The following NUP93 variants were observed in gnomAD, a reference collection of about 807,000 sequenced individuals.
NUP93 encodes the protein nuclear pore complex protein Nup93.
Under a neutral mutation model 107.8 loss-of-function variants are expected in NUP93, and 55 were observed. The observed-to-expected ratio is 0.51, with a 90% CI of 0.41 to 0.64. The LOEUF (loss-of-function observed/expected upper bound fraction) is 0.64, where lower values mean the gene tolerates loss of function less well. Ranked by LOEUF, NUP93 falls within the 30% of genes least tolerant of loss-of-function variation. The pLI, the probability that NUP93 is intolerant of heterozygous loss-of-function variation, is 0.00. For missense variants in NUP93, 937 were observed against 1,044.7 expected, an observed-to-expected ratio of 0.90 and a Z score of 1.42; for synonymous variants, 390 against 397.5, an observed-to-expected ratio of 0.98 and a Z score of 0.22.
At chr16:56,733,841 C>A (rs1961571209) in intron 1 of NUP93, among the ~76,000 whole-genome samples, 2 of 152,176 alleles carry the variant, frequency 1.3e-5, no homozygotes, top group Non-Finnish European at 2.9e-5. Flanking sequence ...TAGCTTTATA[C>A]TTTTTTATAG....
intron 2 of NUP93, among the ~76,000 whole-genome samples, chr16:56,751,415 A>G (rs1206201839): frequency 6.6e-6 from 1 of 152,186 alleles, no homozygotes; most frequent in Non-Finnish European, 1.5e-5. Flanking sequence ...CACGCATTAT[A>G]TAATTTCTTT....
At chr16:56,807,882 C>T (rs1161523962) in intron 5 of NUP93, among the ~76,000 whole-genome samples, 2 of 151,218 alleles carry the variant, frequency 1.3e-5, no homozygotes, top group Non-Finnish European at 2.9e-5. Flanking sequence ...ATTAGCTGGG[C>T]CTGGTGGCGT....
chr16:56,735,357 G>A (rs1961594690), intron 1 of NUP93, among the ~76,000 whole-genome samples: 1 of 152,220 alleles, frequency 6.6e-6, no homozygotes, highest in Non-Finnish European at 1.5e-5. Flanking sequence ...GGAAGGTTGG[G>A]TAGGTGTTTC....
chr16:56,803,566 A>G (rs1489985913), intron 4 of NUP93, among the ~76,000 whole-genome samples: 1 of 152,106 alleles, frequency 6.6e-6, no homozygotes, highest in Admixed American at 6.5e-5. Flanking sequence ...TTTATATGCT[A>G]CAAAGAAAAA....
At chr16:56,800,506 C>A (rs1425808784) in intron 4 of NUP93, among the ~76,000 whole-genome samples, 1 of 152,168 alleles carries the variant, frequency 6.6e-6, no homozygotes, top group Non-Finnish European at 1.5e-5. Flanking sequence ...AGGTGACATA[C>A]CACAGTGCAA....
At chr16:56,839,300 T>C in intron 19 of NUP93, 1 of 390,438 alleles carries the variant, frequency 2.6e-6, no homozygotes, top group East Asian at 4.6e-5. Flanking sequence ...CAGAGAAGTT[T>C]CTCAAAGTAA....
chr16:56,812,912 C>T (rs1338282091), intron 5 of NUP93, among the ~76,000 whole-genome samples: 2 of 152,196 alleles, frequency 1.3e-5, no homozygotes, highest in African/African-American at 4.8e-5. Context: ...GCTTGCATGA[C>T]AGCATGCAGG....
In NUP93 at chr16:56,758,869, A is replaced by G. The variant is rs377279697; in HGVS notation, c.297+214A>G. On this transcript the variant is annotated intron_variant, in intron 3 of 21. Coordinates refer to ENST00000308159, the MANE Select transcript of NUP93 (RefSeq NM_014669.5). Reference sequence around the variant, plus strand: ...TCTGTGTGGCTGAATTTAAGAAAGCAATTCCAACCTGCACTTTTTAGATTA... The same window carrying G: ...TCTGTGTGGCTGAATTTAAGAAAGCGATTCCAACCTGCACTTTTTAGATTA... 4.6e-5 allele frequency among the ~76,000 whole-genome samples: 7 copies of G among 152,348 alleles called. No individual in the cohort carries two copies. In the South Asian group the frequency reaches 6.2e-4, roughly 14 times the overall value.
intron 12 of NUP93, 82 bp from the exon 13 acceptor site, chr16:56,833,133 G>C: frequency 8.0e-7 from 1 of 1,244,366 alleles, no homozygotes; most frequent in Non-Finnish European, 1.1e-6. Context: ...TGGGCTCACA[G>C]GGCTGCTGCC....
intron 5 of NUP93, among the ~76,000 whole-genome samples, chr16:56,810,835 C>G (rs1200076425): frequency 3.3e-5 from 5 of 152,092 alleles, no homozygotes; most frequent in African/African-American, 7.2e-5. Flanking sequence ...AGAGAAACCA[C>G]TATCTTGACA....
intron 3 of NUP93, among the ~76,000 whole-genome samples, chr16:56,779,651 C>T (rs1474258897): frequency 1.3e-5 from 2 of 152,146 alleles, no homozygotes; most frequent in Non-Finnish European, 2.9e-5. Flanking sequence ...GCATATCTTG[C>T]AACTCCAAGC....
intron 3 of NUP93, among the ~76,000 whole-genome samples, chr16:56,794,927 C>CAAAAAAAAAAAA (rs747651772): frequency 2.8e-5 from 2 of 71,912 alleles, no homozygotes; most frequent in African/African-American, 5.9e-5. Flanking sequence ...GACTCTGTCT[C>CAAAAAAAAAAAA]AAAAAAAAAA....
chr16:56,815,966 C>T (rs1028744564), intron 5 of NUP93, among the ~76,000 whole-genome samples: 8 of 145,362 alleles, frequency 5.5e-5, no homozygotes, highest in South Asian at 2.1e-4. Flanking sequence ...CTACTACTCT[C>T]TACTGTTCTG....
chr16:56,796,409 A>G (rs1962898784), intron 3 of NUP93, among the ~76,000 whole-genome samples: 1 of 152,230 alleles, frequency 6.6e-6, no homozygotes, highest in African/African-American at 2.4e-5. Flanking sequence ...GTAGTAGGCT[A>G]TACCATCTAG....
intron 9 of NUP93, 143 bp downstream of exon 9, chr16:56,829,252 C>A: frequency 9.8e-7 from 1 of 1,019,868 alleles, no homozygotes; most frequent in Non-Finnish European, 1.4e-6. Context: ...AAGGTAAAGA[C>A]CTCTTAGGAG....
At chr16:56,832,131 C>T (rs1963806045) in intron 11 of NUP93, 124 bp downstream of exon 11, 4 of 1,288,398 alleles carry the variant, frequency 3.1e-6, no homozygotes, top group African/African-American at 1.5e-5. Context: ...GGTTCCTCGT[C>T]TCCTGTCCCC....
intron 21 of NUP93, among the ~76,000 whole-genome samples, chr16:56,842,965 C>G (rs556838963): frequency 1.8e-4 from 28 of 152,324 alleles, no homozygotes; most frequent in Non-Finnish European, 3.5e-4. Flanking sequence ...AGCCAAGAAG[C>G]CTTGATCTGT....
intron 1 of NUP93, among the ~76,000 whole-genome samples, chr16:56,743,888 C>T (rs1396746824): frequency 6.6e-6 from 1 of 152,174 alleles, no homozygotes; most frequent in Non-Finnish European, 1.5e-5. Context: ...CCAAGTCCTA[C>T]TTATAGGGAG....
At chr16:56,788,702 AG>A (rs1362807326) in intron 3 of NUP93, among the ~76,000 whole-genome samples, 1 of 152,208 alleles carries the variant, frequency 6.6e-6, no homozygotes, top group East Asian at 1.9e-4. Flanking sequence ...TGGCCATCAT[AG>A]GAATGCCCTT....
Sources: gnomAD v4.1 joint callset for allele counts (sites outside exome capture counted in the v4.1 genomes callset) on GRCh38, gnomAD v4.1.1 for gene constraint, MANE v1.5 for transcripts, NCBI Gene and HGNC (gene_info 2026-07-23, HGNC 2026-07-21) for gene names.